Variants in PDE1A observed in about 807,000 individuals in gnomAD.
The protein encoded by PDE1A is phosphodiesterase 1A, also known as dual specificity calcium/calmodulin-dependent 3',5'-cyclic nucleotide phosphodiesterase 1A.
A neutral mutation model predicts 61.7 loss-of-function variants in PDE1A; 35 were observed. The observed-to-expected ratio is 0.57, with a 90% confidence interval of 0.43 to 0.75. The LOEUF is 0.75. PDE1A is among the 30% of genes least tolerant of loss of function. The probability of loss-of-function intolerance (pLI) is 0.00; values close to 1 mark genes in which losing one functional copy is unlikely to be tolerated. For missense variants in PDE1A, 597 were observed against 630.6 expected (o/e 0.95, Z 0.57); for synonymous variants, 232 against 213.2 (o/e 1.09, Z -0.77).
intron 13 of PDE1A, among the ~76,000 whole-genome samples, chr2:182,181,064 C>T (rs1352728053): frequency 6.6e-6 from 1 of 151,898 alleles, no homozygotes; most frequent in Non-Finnish European, 1.5e-5. Flanking sequence ...TTTGTTATTA[C>T]CCACCTTCTG....
At chr2:182,451,096 G>GCATAAAGTATTAGCATGTATGT (rs1685484046) in intron 2 of PDE1A, among the ~76,000 whole-genome samples, 1 of 23,442 alleles carries the variant, frequency 4.3e-5, no homozygotes, top group Non-Finnish European at 8.8e-5. Flanking sequence ...ATTTTAACTA[G>GCATAAAGTATTAGCATGTATGT]GGCCGGGCGC....
upstream of PDE1A, chr2:182,522,761 T>C (rs138572090): frequency 2.3e-4 from 163 of 711,092 alleles, no homozygotes; most frequent in African/African-American, 3.0e-3. Flanking sequence ...AGCTCTATTA[T>C]GCACAAGAGA....
intron 7 of PDE1A, among the ~76,000 whole-genome samples, chr2:182,222,407 T>G (rs1215160645): frequency 6.6e-6 from 1 of 151,994 alleles, no homozygotes; most frequent in Non-Finnish European, 1.5e-5. Flanking sequence ...AGAGGAATGA[T>G]AGCTGAAGCA....
chr2:182,570,063 T>C, the PDE1A span, among the ~76,000 whole-genome samples: 13,511 of 152,220 alleles, frequency 0.089, 1,935 homozygotes, highest in African/African-American at 0.31. Flanking sequence ...ACCATGCCTT[T>C]TGCTTCCTTG....
the PDE1A span, among the ~76,000 whole-genome samples, chr2:182,528,441 G>A: frequency 1.3e-5 from 2 of 152,190 alleles, no homozygotes; most frequent in African/African-American, 4.8e-5. Context: ...AGTGACTTGG[G>A]TACTGTTAAA....
the PDE1A span, among the ~76,000 whole-genome samples, chr2:182,614,705 G>A: frequency 6.6e-6 from 1 of 151,940 alleles, no homozygotes; most frequent in South Asian, 2.1e-4. Flanking sequence ...CTACAGGCAT[G>A]TGCCACCACA....
At position 182,203,746 on chromosome 2, in the gene PDE1A, C is replaced by T. The variant is rs111952524; in HGVS notation, c.903-1957G>A. On this transcript the variant is annotated intron_variant, in intron 8 of 13. Transcript: ENST00000351439. ...TCTTGTGAAAACTTTTAAATTAATG[C>T]ATTTATTTTTACTAAAAGTACTTTA... Among the ~76,000 whole-genome samples the T allele has an allele frequency of 7.3e-3, 1,108 of 151,918 alleles. 11 individuals are homozygous for T. Among genetic ancestry groups the T allele is most frequent in the African/African-American group, 0.024 (1,012 of 41,534 alleles).
At chr2:182,421,847 A>C (rs999744876) in intron 1 of PDE1A, among the ~76,000 whole-genome samples, 2 of 152,218 alleles carry the variant, frequency 1.3e-5, no homozygotes, top group Admixed American at 6.5e-5. Flanking sequence ...TAACAGCAAT[A>C]GGTATTAACC....
intron 10 of PDE1A, among the ~76,000 whole-genome samples, chr2:182,192,770 C>G (rs3769792): frequency 0.21 from 31,369 of 151,986 alleles, 3,529 homozygotes; most frequent in East Asian, 0.32. Flanking sequence ...CAGCTTATAC[C>G]TGTCTTTACA....
intron 7 of PDE1A, among the ~76,000 whole-genome samples, chr2:182,213,171 C>T (rs1370364856): frequency 1.5e-4 from 22 of 150,326 alleles, no homozygotes; most frequent in South Asian, 4.2e-4. Context: ...ACACCTCACA[C>T]GGCAGGGTAT....
chr2:182,711,352 A>T, the PDE1A span, among the ~76,000 whole-genome samples: 1 of 152,170 alleles, frequency 6.6e-6, no homozygotes, highest in African/African-American at 2.4e-5. Flanking sequence ...CAGACAGAAG[A>T]GCTACATTTA....
intron 13 of PDE1A, among the ~76,000 whole-genome samples, chr2:182,168,969 T>C (rs1691866039): frequency 6.6e-6 from 1 of 152,046 alleles, no homozygotes; most frequent in Non-Finnish European, 1.5e-5. Context: ...TCAAGGAAAT[T>C]ATTAAGTCTT....
chr2:182,716,179 C>G, the PDE1A span: 495 of 152,452 alleles, frequency 3.2e-3, 7 homozygotes, highest in Non-Finnish European at 1.9e-3. Flanking sequence ...ACCGCCGCAG[C>G]GCCCGCTGGG....
intron 2 of PDE1A, among the ~76,000 whole-genome samples, chr2:182,260,345 C>A (rs1276246965): frequency 6.6e-6 from 1 of 152,240 alleles, no homozygotes; most frequent in East Asian, 1.9e-4. Flanking sequence ...CAACTAAATG[C>A]TTCTTGGACC....
chr2:182,693,420 C>T, the PDE1A span, among the ~76,000 whole-genome samples: 6 of 152,142 alleles, frequency 3.9e-5, no homozygotes, highest in Non-Finnish European at 8.8e-5. Flanking sequence ...TTCCTAGCAG[C>T]TAATAATGTG....
At chr2:182,183,632 A>G (rs2125384535) in intron 13 of PDE1A, among the ~76,000 whole-genome samples, 1 of 152,126 alleles carries the variant, frequency 6.6e-6, no homozygotes, top group Non-Finnish European at 1.5e-5. Context: ...TAACAGAAAA[A>G]CCCTAGAAAT....
intron 7 of PDE1A, among the ~76,000 whole-genome samples, chr2:182,218,952 T>A (rs1467517556): frequency 1.3e-5 from 2 of 152,078 alleles, no homozygotes; most frequent in African/African-American, 4.8e-5. Flanking sequence ...TTACCTAACG[T>A]CTTATTCAGT....
At chr2:182,168,150 C>T in exon 14 of PDE1A, 2 of 1,492,350 alleles carry the variant, frequency 1.3e-6, no homozygotes, top group Non-Finnish European at 1.8e-6. Context: ...CTGTCTCACA[C>T]AGGACAGGGT....
At chr2:182,496,866 A>G (rs927889865) in intron 2 of PDE1A, among the ~76,000 whole-genome samples, 5 of 152,182 alleles carry the variant, frequency 3.3e-5, no homozygotes, top group African/African-American at 1.2e-4. Flanking sequence ...TCCTATAGAC[A>G]TTCCTGTGAT....
Sources: allele counts gnomAD v4.1 joint callset (sites outside exome capture counted in the v4.1 genomes callset), GRCh38; gene constraint gnomAD v4.1.1; transcripts MANE v1.5; gene names NCBI Gene and HGNC (gene_info 2026-07-23, HGNC 2026-07-21).